The following LRP1B variants were observed in gnomAD, a reference collection of about 807,000 sequenced individuals.
LRP1B encodes the protein low-density lipoprotein receptor-related protein 1B.
In LRP1B, 217 loss-of-function variants were observed where a neutral mutation model predicts 556.6. That is an observed-to-expected ratio of 0.39 (90% CI 0.35 to 0.44). The LOEUF is 0.44. LRP1B is among the 20% of genes least tolerant of loss of function. LRP1B has a pLI of 1.00. For synonymous variants in LRP1B, 2,047 were observed against 1,865.8 expected (o/e 1.10, Z -2.50); for missense variants, 5,053 against 5,620.8 (o/e 0.90, Z 3.23).
intron 35 of LRP1B, among the ~76,000 whole-genome samples, chr2:140,758,972 G>T (rs1331223704): frequency 6.6e-6 from 1 of 151,900 alleles, no homozygotes; most frequent in Non-Finnish European, 1.5e-5. Context: ...TACTAGACTG[G>T]ATCATCAGTT....
rs779193392 is a variant in LRP1B at position 140,868,086 on chromosome 2, T to A, written c.4334+13A>T. 10 of 1,573,192 alleles carry A rather than the reference T, an allele frequency of 6.4e-6. No individual in the cohort carries two copies. The Admixed American group carries it at 1.7e-4, about 26-fold the overall frequency. ...TAAAAAAAAAAATACAGAAAAGAGA[T>A]GATTTTTTAAACCTGGCGTCTGTCC... On this transcript the variant is annotated intron_variant, in intron 26 of 90. Transcript: ENST00000389484.
Position 140,485,507 on chromosome 2 carries a change from C to A in LRP1B, c.9261G>T (p.Ala3087=), listed in dbSNP as rs749167039. The change falls in exon 59 of 91, where the codon GCG becomes GCT. Residue 3087 remains alanine, a synonymous_variant. Transcript: ENST00000389484. ...GSDIKVVHNT[A]VPNALAVDWI... is the part of the protein sequence containing the mutation. ...AATCGACAGCAAGTGCATTGGGGACCGCTGTGTTATGAACTACCTACAAAA... is the reference window on the plus strand; with the variant it reads ...AATCGACAGCAAGTGCATTGGGGACAGCTGTGTTATGAACTACCTACAAAA... 55 of 1,612,854 alleles carry A rather than the reference C, an allele frequency of 3.4e-5. No individual in the cohort carries two copies. Among genetic ancestry groups the A allele is most frequent in the Non-Finnish European group, 5.1e-6 (6 of 1,179,396 alleles).
chr2:140,495,883 A>C (rs1688904628), intron 55 of LRP1B, 135 bp from the exon 56 acceptor site: 1 of 637,634 alleles, frequency 1.6e-6, no homozygotes, highest in Non-Finnish European at 2.7e-6. Flanking sequence ...CCAGCATTTG[A>C]CCTTTGATGG....
chr2:141,302,710 TA>T (rs1228844959), intron 3 of LRP1B, among the ~76,000 whole-genome samples: 3 of 152,076 alleles, frequency 2.0e-5, no homozygotes, highest in African/African-American at 7.2e-5. Context: ...ATTTGTTTCA[TA>T]AAAAACAAAT....
At chr2:141,340,998 A>G (rs899256173) in intron 3 of LRP1B, among the ~76,000 whole-genome samples, 6 of 152,208 alleles carry the variant, frequency 3.9e-5, no homozygotes, top group African/African-American at 1.4e-4. Context: ...CAGGTGCTCA[A>G]AATAATCCAG....
intron 86 of LRP1B, 128 bp downstream of exon 86, chr2:140,270,114 T>G: frequency 1.5e-6 from 1 of 655,434 alleles, no homozygotes; most frequent in Non-Finnish European, 2.8e-6. Flanking sequence ...TGAGGGACAA[T>G]ACTTGATCAG....
chr2:141,221,454 T>C (rs189865314), intron 6 of LRP1B, among the ~76,000 whole-genome samples: 72 of 152,258 alleles, frequency 4.7e-4, no homozygotes, highest in Admixed American at 1.6e-3. Flanking sequence ...CACACAATGA[T>C]AGTGGGAGAC....
intron 3 of LRP1B, among the ~76,000 whole-genome samples, chr2:141,285,445 A>AT (rs749012582): frequency 0.048 from 6,277 of 132,124 alleles, 210 homozygotes; most frequent in Non-Finnish European, 0.078. Flanking sequence ...GGTGAGAATA[A>AT]TTTTTTTTTC....
intron 3 of LRP1B, among the ~76,000 whole-genome samples, chr2:141,407,864 T>C (rs1330991135): frequency 1.3e-5 from 2 of 152,190 alleles, no homozygotes; most frequent in African/African-American, 4.8e-5. Context: ...TCCCACTTAA[T>C]ATCCAGAGAA....
chr2:140,874,833 A>G (rs182118134), intron 25 of LRP1B, among the ~76,000 whole-genome samples: 1 of 151,988 alleles, frequency 6.6e-6, no homozygotes, highest in African/African-American at 2.4e-5. Flanking sequence ...AGCCTGACCA[A>G]CATGGTGAAA....
At chr2:142,099,787 T>C (rs2104966467) in intron 1 of LRP1B, among the ~76,000 whole-genome samples, 1 of 152,056 alleles carries the variant, frequency 6.6e-6, no homozygotes, top group East Asian at 1.9e-4. Flanking sequence ...AAGAATAATA[T>C]AGTACCCCTC....
chr2:141,551,396 A>G (rs1559136080), intron 2 of LRP1B, among the ~76,000 whole-genome samples: 1 of 152,064 alleles, frequency 6.6e-6, no homozygotes, highest in Non-Finnish European at 1.5e-5. Context: ...TGTTATTATG[A>G]ACTAGATTTA....
intron 69 of LRP1B, among the ~76,000 whole-genome samples, chr2:140,372,117 G>A (rs142666103): frequency 5.9e-5 from 9 of 152,078 alleles, no homozygotes; most frequent in African/African-American, 2.2e-4. Context: ...TTAGACCACT[G>A]TGTAGTCTCT....
chr2:141,895,828 TTC>T (rs1405425163), intron 1 of LRP1B, among the ~76,000 whole-genome samples: 2 of 152,198 alleles, frequency 1.3e-5, no homozygotes, highest in African/African-American at 4.8e-5. Flanking sequence ...TTTGGTTTTT[TTC>T]TTTCTTTCCG....
At chr2:140,309,827 A>G (rs1684218552) in intron 83 of LRP1B, among the ~76,000 whole-genome samples, 1 of 151,824 alleles carries the variant, frequency 6.6e-6, no homozygotes, top group African/African-American at 2.4e-5. Context: ...GGCTCATATT[A>G]TACAGCAGTT....
chr2:141,758,718 G>A (rs1006160340), intron 2 of LRP1B, among the ~76,000 whole-genome samples: 8 of 152,056 alleles, frequency 5.3e-5, no homozygotes, highest in African/African-American at 1.9e-4. Flanking sequence ...TTATACTCTA[G>A]TGCAAAGTAA....
chr2:140,601,682 A>C (rs188891098), intron 41 of LRP1B, 43 bp from the exon 42 acceptor site: 2 of 1,397,528 alleles, frequency 1.4e-6, no homozygotes, highest in Non-Finnish European at 1.9e-6. Flanking sequence ...TTTTATTTAC[A>C]AAAAAATGAC....
chr2:141,870,486 G>T (rs1027845979), intron 1 of LRP1B, among the ~76,000 whole-genome samples: 4 of 151,884 alleles, frequency 2.6e-5, no homozygotes, highest in African/African-American at 9.7e-5. Flanking sequence ...GCATATTTTT[G>T]AAAATTATTC....
intron 49 of LRP1B, among the ~76,000 whole-genome samples, chr2:140,525,267 G>A (rs961308833): frequency 1.3e-5 from 2 of 151,516 alleles, no homozygotes; most frequent in Non-Finnish European, 2.9e-5. Flanking sequence ...TCCTCAAATA[G>A]AAAGAAACAG....
Sources: gnomAD v4.1 joint callset for allele counts (sites outside exome capture counted in the v4.1 genomes callset) on GRCh38, gnomAD v4.1.1 for gene constraint, MANE v1.5 for transcripts, NCBI Gene and HGNC (gene_info 2026-07-23, HGNC 2026-07-21) for gene names.